The following MEMO1 variants were observed in gnomAD, a reference collection of about 807,000 sequenced individuals.
The protein encoded by MEMO1 is mediator of cell motility 1, also known as protein MEMO1.
MEMO1 carries 6 observed loss-of-function variants against 45.2 expected under a neutral mutation model. The observed-to-expected ratio is 0.13, with a 90% confidence interval of 0.07 to 0.26. The LOEUF (loss-of-function observed/expected upper bound fraction) is 0.26, where lower values mean the gene tolerates loss of function less well. Among genes scored for constraint, MEMO1 ranks in the 10% least tolerant of loss-of-function variants. MEMO1 has a pLI of 1.00. For synonymous variants in MEMO1, 78 were observed against 124.3 expected (o/e 0.63, Z 2.48); for missense variants, 184 against 370.5 (o/e 0.50, Z 4.13).
chr2:31,919,835 T>A (rs1206777534), intron 5 of MEMO1, among the ~76,000 whole-genome samples: 1 of 151,638 alleles, frequency 6.6e-6, no homozygotes, highest in African/African-American at 2.4e-5. Context: ...AAAACAAAAA[T>A]ATATATATGT....
intron 3 of MEMO1, among the ~76,000 whole-genome samples, chr2:31,934,447 G>C (rs1664667031): frequency 6.6e-6 from 1 of 150,680 alleles, no homozygotes; most frequent in Admixed American, 6.6e-5. Context: ...CTGGGTGACT[G>C]AGCGAGACTT....
At chr2:31,874,538 AGTTTT>A (rs1229817249) in intron 8 of MEMO1, among the ~76,000 whole-genome samples, 2 of 152,046 alleles carry the variant, frequency 1.3e-5, no homozygotes, top group Non-Finnish European at 2.9e-5. Context: ...TTTGCAACTT[AGTTTT>A]ATTTTCTAGC....
chr2:31,986,640 G>A (rs1029402803), intron 2 of MEMO1, among the ~76,000 whole-genome samples: 1 of 152,110 alleles, frequency 6.6e-6, no homozygotes, highest in African/African-American at 2.4e-5. Context: ...TTCTGATTAT[G>A]AAGATAGAAC....
At chr2:32,010,589 A>T (rs1674774692) in intron 1 of MEMO1, 1 of 174,162 alleles carries the variant, frequency 5.7e-6, no homozygotes, top group African/African-American at 2.5e-5. Context: ...GGTTCCGCCG[A>T]GCCGCCCCCA....
At chr2:31,988,726 T>C (rs981083673) in intron 2 of MEMO1, among the ~76,000 whole-genome samples, 1 of 152,210 alleles carries the variant, frequency 6.6e-6, no homozygotes, top group Admixed American at 6.5e-5. Context: ...ACACATTAAA[T>C]CTTTGCCCTT....
intron 2 of MEMO1, among the ~76,000 whole-genome samples, chr2:31,971,632 T>C (rs1669418752): frequency 1.3e-5 from 2 of 152,056 alleles, no homozygotes; most frequent in Non-Finnish European, 2.9e-5. Flanking sequence ...CACCTCAGCC[T>C]TGCAAAGTAG....
intron 2 of MEMO1, among the ~76,000 whole-genome samples, chr2:31,957,104 T>G (rs575169858): frequency 1.3e-5 from 2 of 148,554 alleles, no homozygotes; most frequent in East Asian, 4.0e-4. Flanking sequence ...ATCGTGCCAT[T>G]GCACTCCAGC....
chr2:31,927,362 C>T (rs1683264360), intron 4 of MEMO1, among the ~76,000 whole-genome samples: 1 of 152,090 alleles, frequency 6.6e-6, no homozygotes, highest in South Asian at 2.1e-4. Flanking sequence ...CTTCAGATTT[C>T]GCATTATAAC....
intron 6 of MEMO1, among the ~76,000 whole-genome samples, chr2:31,892,868 T>C (rs1389541167): frequency 6.6e-6 from 1 of 152,170 alleles, no homozygotes; most frequent in Non-Finnish European, 1.5e-5. Flanking sequence ...AGAAACAAAG[T>C]AGATTAATAA....
At chr2:32,002,896 A>C (rs1673585936) in intron 2 of MEMO1, among the ~76,000 whole-genome samples, 1 of 152,214 alleles carries the variant, frequency 6.6e-6, no homozygotes, top group South Asian at 2.1e-4. Context: ...TCATATCAAC[A>C]GTTTGCCTGT....
intron 6 of MEMO1, among the ~76,000 whole-genome samples, chr2:31,901,736 G>A (rs906820029): frequency 6.6e-6 from 1 of 151,258 alleles, no homozygotes; most frequent in African/African-American, 2.4e-5. Context: ...GTGAAACCCC[G>A]TCTCTACTAA....
At chr2:31,954,130 T>C (rs185340798) in intron 2 of MEMO1, among the ~76,000 whole-genome samples, 11 of 152,346 alleles carry the variant, frequency 7.2e-5, no homozygotes, top group Non-Finnish European at 1.0e-4. Context: ...GAACAACTAG[T>C]ATCTATCTGT....
At chr2:31,963,299 G>A in intron 2 of MEMO1, 1 of 1,486,492 alleles carries the variant, frequency 6.7e-7, no homozygotes, top group Non-Finnish European at 9.0e-7. Flanking sequence ...TACAGATAGG[G>A]ATACAGATAG....
At chr2:31,907,751 T>A (rs920967746) in intron 6 of MEMO1, among the ~76,000 whole-genome samples, 10 of 150,486 alleles carry the variant, frequency 6.6e-5, no homozygotes, top group African/African-American at 1.7e-4. Context: ...CGAGATCACA[T>A]CACTGTACTC....
chr2:31,946,078 C>G (rs1338720428), intron 2 of MEMO1, among the ~76,000 whole-genome samples: 1 of 152,086 alleles, frequency 6.6e-6, no homozygotes, highest in African/African-American at 2.4e-5. Flanking sequence ...TTTTCTTCTA[C>G]CTTTGAAGAG....
rs533124038 is a variant in MEMO1, at chr2:31,945,841, T to TTAC, written c.62-2461_62-2459dup. 4.6e-3 allele frequency among the ~76,000 whole-genome samples: 701 copies of TTAC among 152,312 alleles called. 5 individuals are homozygous for TTAC. Among genetic ancestry groups the TTAC allele is most frequent in the African/African-American group, 0.016 (667 of 41,574 alleles). ...TTGTTCACACACAAGGTTGCTCCAA[T>TTAC]TACCAAGTGAATTTAGGACAAACTA... On this transcript the variant is annotated intron_variant, in intron 2 of 9. Transcript: ENST00000404530.
chr2:31,919,258 C>T (rs1224530007), intron 5 of MEMO1, among the ~76,000 whole-genome samples: 2 of 152,006 alleles, frequency 1.3e-5, no homozygotes, highest in Non-Finnish European at 2.9e-5. Flanking sequence ...AAGCCATCCT[C>T]CTACCTCGCT....
At chr2:31,970,780 G>A (rs1335148096) in intron 2 of MEMO1, among the ~76,000 whole-genome samples, 1 of 152,220 alleles carries the variant, frequency 6.6e-6, no homozygotes, top group African/African-American at 2.4e-5. Flanking sequence ...GAGGTGGGGG[G>A]ATCACTTGAG....
rs570952130 is a variant in MEMO1 at position 31,936,066 on chromosome 2, C to T, written c.144-3931G>A. Among the ~76,000 whole-genome samples, 81 of 152,204 alleles carry T rather than the reference C, an allele frequency of 5.3e-4. 1 individual carries two copies. In the South Asian group the frequency reaches 6.2e-3, roughly 12 times the overall value. On this transcript the variant is annotated intron_variant, in intron 3 of 9. Coordinates refer to ENST00000404530, the MANE Select transcript of MEMO1 (RefSeq NM_001301833.4). ...GCAACCTCCACCTAGCAGGTTCAAG[C>T]GATTCTCCTGCCTCAGCCTCCCGAG...
Sources: gnomAD v4.1 joint callset for allele counts (sites outside exome capture counted in the v4.1 genomes callset) on GRCh38, gnomAD v4.1.1 for gene constraint, MANE v1.5 for transcripts, NCBI Gene and HGNC (gene_info 2026-07-23, HGNC 2026-07-21) for gene names.